ADAM29: variants seen among roughly 807,000 people sequenced by gnomAD.
ADAM29 encodes disintegrin and metalloproteinase domain-containing protein 29.
For synonymous variants in ADAM29, 367 were observed against 342.3 expected (o/e 1.07, Z -0.80); for missense variants, 969 against 1,001.8 (o/e 0.97, Z 0.44).
At position 174,975,490 on chromosome 4, in the gene ADAM29, A is replaced by T. The variant is rs1466350325; in HGVS notation, c.-36A>T. The stretch of plus-strand genomic sequence containing the variant: ...CTGGACCAGTGTTTCCATAACAGGG[A>T]CTTCAAAATCACTGTGATTTGAAGC... On this transcript the variant is annotated 5_prime_UTR_variant, in exon 5 of 5. Transcript: ENST00000359240. 1 of 1,492,090 alleles carries T rather than the reference A, an allele frequency of 6.7e-7. No individual in the cohort carries two copies. Among genetic ancestry groups the T allele is most frequent in the Non-Finnish European group, 8.9e-7 (1 of 1,120,746 alleles). 92.4% of individuals were successfully genotyped at this position (1,492,090 alleles called of 1,614,324 possible). A position where few individuals can be genotyped will look rare whatever the true frequency, so the allele number is the denominator to read the frequency against.
At chr4:174,921,771 C>T (rs952318818) in intron 2 of ADAM29, among the ~76,000 whole-genome samples, 2 of 152,100 alleles carry the variant, frequency 1.3e-5, no homozygotes, top group Admixed American at 6.6e-5. Flanking sequence ...TTAACTGCTA[C>T]AGGAAATACC....
At position 174,977,172 on chromosome 4, in the gene ADAM29, C is replaced by A; in HGVS notation, c.1647C>A (p.Val549=). ...ATATAAAGTGTAATATCTCAGATGT[C>A]CAGTGTGGAAGAATTCAGTGTGAGA... ...ATYIKCNISD[V]QCGRIQCENV... Residue 549 remains valine (V), a synonymous_variant, in exon 5 of 5, where the codon GTC becomes GTA. Coordinates refer to ENST00000359240, the MANE Select transcript of ADAM29 (RefSeq NM_014269.4). 1 of 1,614,074 alleles carries A rather than the reference C, an allele frequency of 6.2e-7. No homozygotes were observed. The highest frequency in any genetic ancestry group is 8.5e-7 in the Non-Finnish European group (1 of 1,180,034).
intron 4 of ADAM29, among the ~76,000 whole-genome samples, chr4:174,954,235 T>C (rs1745360226): frequency 6.6e-6 from 1 of 152,186 alleles, no homozygotes; most frequent in Admixed American, 6.5e-5. Context: ...CCCTAAATTC[T>C]TATAATCAGT....
At chr4:174,921,295 C>T (rs1390988269) in intron 2 of ADAM29, among the ~76,000 whole-genome samples, 2 of 152,162 alleles carry the variant, frequency 1.3e-5, no homozygotes, top group East Asian at 1.9e-4. Flanking sequence ...CTTAGAGTGG[C>T]TTCTGGTGGC....
At chr4:174,940,215 G>C (rs775834776) in intron 4 of ADAM29, among the ~76,000 whole-genome samples, 1 of 152,094 alleles carries the variant, frequency 6.6e-6, no homozygotes, top group Non-Finnish European at 1.5e-5. Context: ...CAAGATACTA[G>C]TTTTGCTTTC....
Position 174,977,398 on chromosome 4 carries a change from T to C in ADAM29, c.1873T>C (p.Cys625Arg). The change falls in exon 5 of 5, where the codon TGC becomes CGC. Residue 625 changes from cysteine (C) to arginine (R), a missense_variant. Coordinates refer to ENST00000359240, the MANE Select transcript of ADAM29 (RefSeq NM_014269.4). ...CVHITILNSN[C>R]SPAFCNKRGI... is the part of the protein sequence containing the mutation. ...CCATATAACCATCTTGAATAGTAAT[T>C]GCTCACCTGCATTTTGTAACAAGAG... 13 of 1,613,976 alleles carry C rather than the reference T, an allele frequency of 8.1e-6. No homozygotes were observed. The highest frequency in any genetic ancestry group is 1.1e-5 in the Non-Finnish European group (13 of 1,180,002).
chr4:174,942,323 C>G (rs946667677), intron 4 of ADAM29, among the ~76,000 whole-genome samples: 1 of 152,212 alleles, frequency 6.6e-6, no homozygotes, highest in Non-Finnish European at 1.5e-5. Context: ...CCCCACATTT[C>G]CCCTCTGCAT....
At chr4:174,925,735 G>A (rs560105006) in intron 2 of ADAM29, among the ~76,000 whole-genome samples, 51 of 152,326 alleles carry the variant, frequency 3.3e-4, no homozygotes, top group Non-Finnish European at 5.6e-4. Context: ...ACGTAGTTTC[G>A]TAAAGACTTG....
In ADAM29 at chr4:174,965,508, T is replaced by TATCTATCTATCTATC. The variant is rs1186877787; in HGVS notation, c.-180-9830_-180-9816dup. ...TCATCTATCTATCTATCTATCTATCTATCTATCTATCTATCATCTATCATC... is the reference window on the plus strand; with the variant it reads ...TCATCTATCTATCTATCTATCTATCTATCTATCTATCTATCATCTATCTATCTATCATCTATCATC... On this transcript the variant is annotated intron_variant, in intron 4 of 4. Coordinates refer to ENST00000359240, the MANE Select transcript of ADAM29 (RefSeq NM_014269.4). 4.8e-3 allele frequency among the ~76,000 whole-genome samples: 730 copies of TATCTATCTATCTATC among 151,852 alleles called. 10 individuals carry two copies. Among genetic ancestry groups the TATCTATCTATCTATC allele is most frequent in the African/African-American group, 0.017 (709 of 41,318 alleles).
chr4:174,927,367 C>A (rs1743580253), intron 2 of ADAM29, among the ~76,000 whole-genome samples: 1 of 152,132 alleles, frequency 6.6e-6, no homozygotes, highest in Non-Finnish European at 1.5e-5. Flanking sequence ...GTAAAAACTG[C>A]AATTACTTTT....
intron 4 of ADAM29, among the ~76,000 whole-genome samples, chr4:174,948,464 C>G (rs770968562): frequency 6.6e-6 from 1 of 152,126 alleles, no homozygotes; most frequent in African/African-American, 2.4e-5. Flanking sequence ...GATGAGTGCT[C>G]TAACTCTGAT....
intron 4 of ADAM29, among the ~76,000 whole-genome samples, chr4:174,958,786 A>G (rs1745648744): frequency 6.6e-6 from 1 of 151,530 alleles, no homozygotes; most frequent in Non-Finnish European, 1.5e-5. Context: ...GTTACACTTC[A>G]TTTTTACATA....
intron 4 of ADAM29, among the ~76,000 whole-genome samples, chr4:174,946,006 CT>C (rs1229330117): frequency 6.6e-6 from 1 of 151,904 alleles, no homozygotes; most frequent in Non-Finnish European, 1.5e-5. Context: ...TTTTTCAAAA[CT>C]TTTTTTCTAA....
intron 4 of ADAM29, among the ~76,000 whole-genome samples, chr4:174,938,695 G>T (rs957867089): frequency 1.3e-5 from 2 of 152,060 alleles, no homozygotes; most frequent in South Asian, 4.1e-4. Context: ...CTTGACTGGG[G>T]CTCAGGATAA....
At position 174,922,077 on chromosome 4, in the gene ADAM29, A is replaced by G. The variant is rs139284540; in HGVS notation, c.-451+1285A>G. 8.7e-3 allele frequency among the ~76,000 whole-genome samples: 1,318 copies of G among 152,326 alleles called. 23 individuals carry two copies. The highest frequency in any genetic ancestry group is 0.03 in the African/African-American group (1,239 of 41,576). ...GGATCTTGGTTTGATGGAAGTGAATATAAGTATCAAAATTCCTTAAATATT... is the reference window on the plus strand; with the variant it reads ...GGATCTTGGTTTGATGGAAGTGAATGTAAGTATCAAAATTCCTTAAATATT... On this transcript the variant is annotated intron_variant, in intron 2 of 4. Coordinates refer to ENST00000359240, the MANE Select transcript of ADAM29 (RefSeq NM_014269.4).
At chr4:174,920,513 T>C (rs972094605) in intron 1 of ADAM29, among the ~76,000 whole-genome samples, 174 bp from the exon 2 acceptor site, 2 of 152,104 alleles carry the variant, frequency 1.3e-5, no homozygotes, top group African/African-American at 4.8e-5. Context: ...ATAAATTAAT[T>C]AAAGCATGCC....
At position 174,977,550 on chromosome 4, in the gene ADAM29, G is replaced by A. The variant is rs369083061; in HGVS notation, c.2025G>A (p.Lys675=). Reference sequence around the variant, plus strand: ...CCCCTAAGAGAAAGAAGAAAAAGAAGTTCTGTTATCTGTGTATATTGTTGC... The same window carrying A: ...CCCCTAAGAGAAAGAAGAAAAAGAAATTCTGTTATCTGTGTATATTGTTGC... The part of the protein sequence containing the change: ...GPPPKRKKKK[K]FCYLCILLLI... The change falls in exon 5 of 5, where the codon AAG becomes AAA. Residue 675 remains lysine, a synonymous_variant. Coordinates refer to ENST00000359240, the MANE Select transcript of ADAM29 (RefSeq NM_014269.4). 7 of 1,613,914 alleles carry A rather than the reference G, an allele frequency of 4.3e-6. No individual in the cohort carries two copies. Among genetic ancestry groups the A allele is most frequent in the Non-Finnish European group, 5.1e-6 (6 of 1,179,994 alleles).
chr4:174,943,703 T>C (rs921005925), intron 4 of ADAM29, among the ~76,000 whole-genome samples: 2 of 152,128 alleles, frequency 1.3e-5, no homozygotes, highest in Non-Finnish European at 2.9e-5. Flanking sequence ...AGTCAAACCA[T>C]ATTAAGGACC....
At chr4:174,963,680 AG>A (rs1745986062) in intron 4 of ADAM29, among the ~76,000 whole-genome samples, 1 of 128,160 alleles carries the variant, frequency 7.8e-6, no homozygotes, top group African/African-American at 3.0e-5. Context: ...CAAATAGTAA[AG>A]GTTTTTTTAT....
Sources: allele counts gnomAD v4.1 joint callset (sites outside exome capture counted in the v4.1 genomes callset), GRCh38; gene constraint gnomAD v4.1.1; transcripts MANE v1.5; gene names NCBI Gene and HGNC (gene_info 2026-07-23, HGNC 2026-07-21).